Variants in TRAPPC10 observed in about 807,000 individuals in gnomAD.
TRAPPC10 encodes the protein TRAPP 130 kDa subunit.
In TRAPPC10, 23 loss-of-function variants were observed where a neutral mutation model predicts 125.5. That is an observed-to-expected ratio of 0.18 (90% CI 0.13 to 0.26). TRAPPC10 has a LOEUF of 0.26. Among genes scored for constraint, TRAPPC10 ranks in the 10% least tolerant of loss-of-function variants. The pLI is 1.00. For synonymous variants in TRAPPC10, 509 were observed against 518.0 expected (o/e 0.98, Z 0.24); for missense variants, 1,123 against 1,308.4 (o/e 0.86, Z 2.19).
intron 3 of TRAPPC10, among the ~76,000 whole-genome samples, chr21:44,039,031 T>TC (rs2034207176): frequency 6.6e-6 from 1 of 152,140 alleles, no homozygotes; most frequent in Admixed American, 6.5e-5. Context: ...CCAGCTCTTC[T>TC]CCCCATAACA....
At position 44,063,506 on chromosome 21, in the gene TRAPPC10, A is replaced by T. The variant is rs182029665; in HGVS notation, c.791-32A>T. ...AGCTCAGGAAGGTGAAGTACCTGCA[A>T]TCAGCACCTTTCATGATGTGTGTTT... On this transcript the variant is annotated intron_variant, in intron 6 of 22. Transcript: ENST00000291574. The surrounding 1 kb of genome is among the most constrained non-coding windows in gnomAD (Gnocchi z 4.4). 2 of 1,608,650 alleles carry T rather than the reference A, an allele frequency of 1.2e-6. No individual in the cohort carries two copies. Among genetic ancestry groups the T allele is most frequent in the Admixed American group, 3.3e-5 (2 of 59,838 alleles).
chr21:44,072,051 C>T (rs1298716527), intron 7 of TRAPPC10, among the ~76,000 whole-genome samples: 1 of 152,250 alleles, frequency 6.6e-6, no homozygotes, highest in Non-Finnish European at 1.5e-5. Context: ...AGAAAAGCTG[C>T]CGCTACCTGA....
At chr21:44,079,403 CT>C in intron 11 of TRAPPC10, 160 bp from the exon 12 acceptor site, 1 of 686,700 alleles carries the variant, frequency 1.5e-6, no homozygotes, top group Non-Finnish European at 2.3e-6. Flanking sequence ...AGTAGGTACT[CT>C]TTCTCACGGA....
Position 44,084,138 on chromosome 21 carries a change from C to A in TRAPPC10, c.2255C>A (p.Thr752Lys). The A allele has an allele frequency of 6.2e-7, 1 of 1,614,162 alleles. No homozygotes were observed. Among genetic ancestry groups the A allele is most frequent in the Non-Finnish European group, 8.5e-7 (1 of 1,180,030 alleles). The change falls in exon 15 of 23, where the codon ACG becomes AAG. Residue 752 changes from threonine to lysine, a missense_variant. Transcript: ENST00000291574. Reference sequence around the variant, plus strand: ...TGACTCTAGGCCAAGGAACCTGGAACGTATACACTCAGGCAGCTGTGCGCC... The same window carrying A: ...TGACTCTAGGCCAAGGAACCTGGAAAGTATACACTCAGGCAGCTGTGCGCC... ...TFRTQAKEPG[T>K]YTLRQLCASV...
chr21:44,080,951 T>G (rs2146088452), intron 13 of TRAPPC10, among the ~76,000 whole-genome samples: 1 of 151,858 alleles, frequency 6.6e-6, no homozygotes, highest in Admixed American at 6.5e-5. Context: ...ATTCAATGGC[T>G]TTTAGTCTGT....
In TRAPPC10 at chr21:44,076,047, CAA is replaced by C. The variant is rs58237566; in HGVS notation, c.1301-491_1301-490del. ...CTGGGCAACAAGAGCAAAACTCTGTCAAAAAAAAAAAAAAATTCTCCTGGATA... is the reference window on the plus strand; with the variant it reads ...CTGGGCAACAAGAGCAAAACTCTGTCAAAAAAAAAAAAATTCTCCTGGATA... On this transcript the variant is annotated intron_variant, in intron 9 of 22. Coordinates refer to ENST00000291574, the MANE Select transcript of TRAPPC10 (RefSeq NM_003274.5). 5.8e-5 allele frequency among the ~76,000 whole-genome samples: 8 copies of C among 137,218 alleles called. No individual in the cohort carries two copies. The South Asian group carries it at 6.7e-4, about 12-fold the overall frequency. The allele number at this position is 137,218 out of a possible 152,430, so 90.0% of individuals were successfully genotyped here. A position where few individuals can be genotyped will look rare whatever the true frequency, so the allele number is the denominator to read the frequency against.
intron 19 of TRAPPC10, among the ~76,000 whole-genome samples, chr21:44,093,604 A>G (rs1053435933): frequency 1.3e-5 from 2 of 152,128 alleles, no homozygotes; most frequent in African/African-American, 4.8e-5. Context: ...CTAGAATACA[A>G]AAAATGAGCT....
chr21:44,071,028 G>C (rs2036829519), intron 7 of TRAPPC10, among the ~76,000 whole-genome samples: 1 of 152,210 alleles, frequency 6.6e-6, no homozygotes, highest in African/African-American at 2.4e-5. Context: ...CCAACTTGTA[G>C]AAAGGTTTAA....
At chr21:44,077,179 GTTTC>G (rs1252140088) in intron 10 of TRAPPC10, among the ~76,000 whole-genome samples, 1 of 152,024 alleles carries the variant, frequency 6.6e-6, no homozygotes, top group African/African-American at 2.4e-5. Flanking sequence ...GAGTTTGTGG[GTTTC>G]TTTTATTATT....
chr21:44,026,299 A>G (rs1018127459), intron 1 of TRAPPC10, among the ~76,000 whole-genome samples: 1 of 151,976 alleles, frequency 6.6e-6, no homozygotes, highest in Admixed American at 6.6e-5. Flanking sequence ...TATGCATTTG[A>G]TGTTAGTTTT....
At chr21:44,093,512 C>G (rs896931163) in intron 19 of TRAPPC10, among the ~76,000 whole-genome samples, 9 of 151,662 alleles carry the variant, frequency 5.9e-5, no homozygotes, top group African/African-American at 2.2e-4. Flanking sequence ...AATCCCAGCA[C>G]TTTGGGAGGC....
intron 3 of TRAPPC10, 66 bp downstream of exon 3, chr21:44,037,993 G>C: frequency 6.4e-7 from 1 of 1,569,598 alleles, no homozygotes; most frequent in East Asian, 2.3e-5. Flanking sequence ...AGAGTGCTGT[G>C]TGAGTACCAG....
chr21:44,057,149 G>A (rs2035658496), intron 5 of TRAPPC10, among the ~76,000 whole-genome samples: 1 of 152,170 alleles, frequency 6.6e-6, no homozygotes, highest in South Asian at 2.1e-4. Flanking sequence ...AAGGTGGAAT[G>A]GGGGCTGCCA....
At chr21:44,043,806 G>T (rs1004421039) in intron 3 of TRAPPC10, among the ~76,000 whole-genome samples, 1 of 152,176 alleles carries the variant, frequency 6.6e-6, no homozygotes, top group Non-Finnish European at 1.5e-5. Context: ...TTCTCTCGGG[G>T]TGCTTGTTCT....
chr21:44,017,928 G>A lies in TRAPPC10; in HGVS notation c.67+5368G>A, dbSNP rs114833010. 2.9e-3 allele frequency among the ~76,000 whole-genome samples: 441 copies of A among 152,184 alleles called. 4 individuals carry two copies. Among genetic ancestry groups the A allele is most frequent in the African/African-American group, 9.9e-3 (412 of 41,506 alleles). On this transcript the variant is annotated intron_variant, in intron 1 of 22. Transcript: ENST00000291574. Reference sequence around the variant, plus strand: ...TCATAAATTTAAAATATCTCTTGGTGCCTCTCTGCGTAGTGTGTGGGAAGC... The same window carrying A: ...TCATAAATTTAAAATATCTCTTGGTACCTCTCTGCGTAGTGTGTGGGAAGC...
At chr21:44,018,762 G>A (rs1478366604) in intron 1 of TRAPPC10, among the ~76,000 whole-genome samples, 1 of 151,848 alleles carries the variant, frequency 6.6e-6, no homozygotes, top group East Asian at 1.9e-4. Flanking sequence ...TTTTTGCTGT[G>A]TGCTTCCACC....
At chr21:44,091,888 A>G (rs779432590) in intron 18 of TRAPPC10, 35 bp from the exon 19 acceptor site, 113 of 1,600,930 alleles carry the variant, frequency 7.1e-5, no homozygotes, top group Non-Finnish European at 9.4e-5. Context: ...AAGTTCTTAC[A>G]TATCAAAATA....
intron 3 of TRAPPC10, among the ~76,000 whole-genome samples, chr21:44,043,338 T>G (rs2034548613): frequency 6.7e-6 from 1 of 149,964 alleles, no homozygotes; most frequent in African/African-American, 2.4e-5. Flanking sequence ...CCCAGTCTCC[T>G]GAGTAGCTGG....
intron 1 of TRAPPC10, among the ~76,000 whole-genome samples, chr21:44,023,124 C>T (rs1265578923): frequency 6.7e-6 from 1 of 148,936 alleles, no homozygotes; most frequent in South Asian, 2.2e-4. Flanking sequence ...GTTCCACCTC[C>T]CGGGTTCACG....
Sources: allele counts gnomAD v4.1 joint callset (sites outside exome capture counted in the v4.1 genomes callset), GRCh38; gene constraint gnomAD v4.1.1; non-coding constraint Gnocchi (gnomAD v3.1); transcripts MANE v1.5; gene names NCBI Gene and HGNC (gene_info 2026-07-23, HGNC 2026-07-21).